STXBP5L: variants seen among roughly 807,000 people sequenced by gnomAD.
STXBP5L encodes syntaxin binding protein 5L.
STXBP5L carries 65 observed loss-of-function variants against 144.5 expected under a neutral mutation model. The ratio of observed to expected loss-of-function variants is 0.45; its 90% CI spans 0.37 to 0.55. The LOEUF is 0.55. Among genes scored for constraint, STXBP5L ranks in the 20% least tolerant of loss-of-function variants. The pLI is 0.00. For missense variants in STXBP5L, 1,298 were observed against 1,405.5 expected, an observed-to-expected ratio of 0.92 and a Z score of 1.22; for synonymous variants, 505 against 469.6, an observed-to-expected ratio of 1.08 and a Z score of -0.97.
intron 23 of STXBP5L, among the ~76,000 whole-genome samples, chr3:121,412,091 A>C (rs1182916853): frequency 6.6e-6 from 1 of 152,198 alleles, no homozygotes; most frequent in Non-Finnish European, 1.5e-5. Context: ...CTTAAGACCC[A>C]TGTCCAGGAA....
intron 9 of STXBP5L, among the ~76,000 whole-genome samples, chr3:121,184,430 A>G (rs184174188): frequency 3.0e-4 from 45 of 151,766 alleles, no homozygotes; most frequent in African/African-American, 8.5e-4. Flanking sequence ...ACAAATATCA[A>G]TATCCAAATA....
chr3:121,342,688 A>C (rs552443137), intron 20 of STXBP5L, among the ~76,000 whole-genome samples: 3 of 151,478 alleles, frequency 2.0e-5, no homozygotes, highest in Non-Finnish European at 4.4e-5. Context: ...ATCATTTTTT[A>C]TGACTGCATA....
intron 5 of STXBP5L, among the ~76,000 whole-genome samples, chr3:121,071,935 T>A (rs1323606228): frequency 6.6e-6 from 1 of 152,248 alleles, no homozygotes; most frequent in Non-Finnish European, 1.5e-5. Flanking sequence ...GGGCAGCACC[T>A]GATCCCACCT....
At chr3:121,241,120 G>A (rs545170730) in intron 14 of STXBP5L, among the ~76,000 whole-genome samples, 1 of 152,158 alleles carries the variant, frequency 6.6e-6, no homozygotes, top group East Asian at 1.9e-4. Flanking sequence ...ATGTGAAGAC[G>A]CATCAGACCA....
chr3:120,910,163 G>A (rs2107542888), intron 2 of STXBP5L, among the ~76,000 whole-genome samples: 1 of 152,282 alleles, frequency 6.6e-6, no homozygotes, highest in Non-Finnish European at 1.5e-5. Flanking sequence ...CTAGGATTAA[G>A]TAGATAATAG....
chr3:121,009,292 A>G (rs76952740), intron 3 of STXBP5L, among the ~76,000 whole-genome samples: 16,990 of 152,026 alleles, frequency 0.11, 1,047 homozygotes, highest in Non-Finnish European at 0.14. Flanking sequence ...CCCTAGATTC[A>G]TTCACATGCT....
chr3:121,110,095 G>A (rs1460908731), intron 5 of STXBP5L, among the ~76,000 whole-genome samples: 3 of 152,104 alleles, frequency 2.0e-5, no homozygotes, highest in African/African-American at 4.8e-5. Flanking sequence ...TTGAGCCTAT[G>A]TGTGTCCCTG....
chr3:120,968,967 A>G (rs1939920481), intron 3 of STXBP5L, among the ~76,000 whole-genome samples: 1 of 152,170 alleles, frequency 6.6e-6, no homozygotes, highest in Admixed American at 6.5e-5. Context: ...GGTTAGTTCC[A>G]TATCTTTGCA....
chr3:121,093,251 T>C (rs2042919492), intron 5 of STXBP5L, among the ~76,000 whole-genome samples: 1 of 152,212 alleles, frequency 6.6e-6, no homozygotes, highest in South Asian at 2.1e-4. Flanking sequence ...GTTTTGTCTC[T>C]GCCCGGCTTT....
At chr3:120,974,215 C>T (rs1198728407) in intron 3 of STXBP5L, among the ~76,000 whole-genome samples, 1 of 152,072 alleles carries the variant, frequency 6.6e-6, no homozygotes, top group African/African-American at 2.4e-5. Context: ...TGTTTCCTGA[C>T]TTTTTAATGA....
At chr3:120,921,254 G>A (rs1398309777) in intron 2 of STXBP5L, among the ~76,000 whole-genome samples, 1 of 151,846 alleles carries the variant, frequency 6.6e-6, no homozygotes, top group East Asian at 1.9e-4. Context: ...TCATATGCCT[G>A]TTGGCCATTT....
intron 9 of STXBP5L, among the ~76,000 whole-genome samples, chr3:121,161,122 T>C (rs1467735983): frequency 2.6e-5 from 4 of 152,180 alleles, no homozygotes; most frequent in Admixed American, 6.5e-5. Flanking sequence ...CTATTTATCA[T>C]TTTCATTTGT....
intron 20 of STXBP5L, among the ~76,000 whole-genome samples, chr3:121,375,135 T>A (rs1297132524): frequency 6.6e-6 from 1 of 152,164 alleles, no homozygotes; most frequent in Non-Finnish European, 1.5e-5. Context: ...AATATATTCA[T>A]GTAACAACAA....
At chr3:121,402,631 T>C (rs752318445) in intron 22 of STXBP5L, among the ~76,000 whole-genome samples, 2 of 152,244 alleles carry the variant, frequency 1.3e-5, no homozygotes, top group Non-Finnish European at 2.9e-5. Context: ...TCTAGACCCA[T>C]GTAGCTGAAT....
Position 121,137,949 on chromosome 3 carries a change from G to C in STXBP5L, c.670-14528G>C, listed in dbSNP as rs565101027. 3.9e-5 allele frequency among the ~76,000 whole-genome samples: 6 copies of C among 152,188 alleles called. No individual in the cohort carries two copies. The South Asian group carries it at 1.2e-3, about 32-fold the overall frequency. ...GACCAGAGCAACTAGGCAAGTGAAA[G>C]AAATATAAGGCATCCAAATTTGATA... is the stretch of plus-strand genomic sequence containing the variant. On this transcript the variant is annotated intron_variant, in intron 7 of 26. Coordinates refer to ENST00000471454, the MANE Select transcript of STXBP5L (RefSeq NM_001308330.2).
chr3:120,926,423 G>A (rs997874243), intron 2 of STXBP5L, among the ~76,000 whole-genome samples: 1 of 149,882 alleles, frequency 6.7e-6, no homozygotes, highest in Non-Finnish European at 1.5e-5. Flanking sequence ...AGTCTGAATG[G>A]ATTAAACCTC....
rs115912257 is a variant in STXBP5L, at chr3:121,095,425, A to G, written c.471-19500A>G. On this transcript the variant is annotated intron_variant, in intron 5 of 26. Transcript: ENST00000471454. ...CTCCCCGTCACTTTCAGTTACACCA[A>G]TCAGATGTGGATTTGATCTTTAAAC... is the stretch of plus-strand genomic sequence containing the variant. Among the ~76,000 whole-genome samples the G allele has an allele frequency of 4.2e-3, 637 of 152,268 alleles. 2 individuals are homozygous for G. Among genetic ancestry groups the G allele is most frequent in the African/African-American group, 0.014 (598 of 41,552 alleles).
chr3:120,914,573 A>G (rs758980753), intron 2 of STXBP5L, among the ~76,000 whole-genome samples: 2 of 152,118 alleles, frequency 1.3e-5, no homozygotes, highest in Non-Finnish European at 2.9e-5. Context: ...CTTGAATACT[A>G]TCTCTTCCTC....
At chr3:120,992,344 A>T (rs898285924) in intron 3 of STXBP5L, among the ~76,000 whole-genome samples, 7 of 152,080 alleles carry the variant, frequency 4.6e-5, no homozygotes, top group Non-Finnish European at 1.0e-4. Context: ...ATATAAAACA[A>T]CATTGTTTTT....
Sources: gnomAD v4.1 joint callset for allele counts (sites outside exome capture counted in the v4.1 genomes callset) on GRCh38, gnomAD v4.1.1 for gene constraint, MANE v1.5 for transcripts, NCBI Gene and HGNC (gene_info 2026-07-23, HGNC 2026-07-21) for gene names.